Variants in HEXA observed in about 807,000 individuals in gnomAD.
The protein encoded by HEXA is hexosaminidase subunit alpha, also known as beta-hexosaminidase subunit alpha.
HEXA carries 54 observed loss-of-function variants against 73.3 expected under a neutral mutation model. The ratio of observed to expected loss-of-function variants is 0.74; its 90% CI spans 0.59 to 0.92. The LOEUF is 0.92. Among genes scored for constraint, HEXA ranks in the 40% least tolerant of loss-of-function variants. The pLI is 0.00. For missense variants in HEXA, 649 were observed against 653.0 expected (o/e 0.99, Z 0.07); for synonymous variants, 230 against 246.9 (o/e 0.93, Z 0.64).
intron 7 of HEXA, chr15:72,350,215 T>C: frequency 2.4e-6 from 1 of 418,026 alleles, no homozygotes. Context: ...TTGGGCTTCT[T>C]TCTTTCAGAT....
chr15:72,356,550 A>T lies in HEXA; in HGVS notation c.321T>A (p.Leu107=). Residue 107 remains leucine, a synonymous_variant, in exon 2 of 14, where the codon CTT becomes CTA. Coordinates refer to ENST00000268097, the MANE Select transcript of HEXA (RefSeq NM_000520.6). The part of the protein sequence containing the change: ...VSVVTPGCNQ[L]PTLESVENYT... Reference sequence around the variant, plus strand: ...AATTCTCCACTGACTCCAAAGTAGGAAGCTGGTTACATCCAGGTGTGACTA... The same window carrying T: ...AATTCTCCACTGACTCCAAAGTAGGTAGCTGGTTACATCCAGGTGTGACTA... The T allele has an allele frequency of 6.2e-7, 1 of 1,614,130 alleles. No individual in the cohort carries two copies. The highest frequency in any genetic ancestry group is 8.5e-7 in the Non-Finnish European group (1 of 1,179,956).
At chr15:72,363,349 A>C (rs1379247323) in intron 1 of HEXA, among the ~76,000 whole-genome samples, 1 of 152,304 alleles carries the variant, frequency 6.6e-6, no homozygotes, top group African/African-American at 2.4e-5. Context: ...TGGTAGATTT[A>C]ATAGCCACGT....
At chr15:72,374,293 T>C (rs1389235060) in intron 1 of HEXA, among the ~76,000 whole-genome samples, 1 of 152,114 alleles carries the variant, frequency 6.6e-6, no homozygotes, top group African/African-American at 2.4e-5. Context: ...CAATCTTGGG[T>C]AAGGCACTCT....
At chr15:72,363,923 AT>A (rs1410316924) in intron 1 of HEXA, among the ~76,000 whole-genome samples, 2 of 152,230 alleles carry the variant, frequency 1.3e-5, no homozygotes, top group Admixed American at 6.5e-5. Flanking sequence ...CAATTTTCCA[AT>A]TTTTTTGTAA....
chr15:72,369,090 T>C (rs1350808737), intron 1 of HEXA, among the ~76,000 whole-genome samples: 1 of 152,042 alleles, frequency 6.6e-6, no homozygotes, highest in Non-Finnish European at 1.5e-5. Flanking sequence ...GACACAACAA[T>C]AGCATACAGC....
chr15:72,343,239 T>C lies in HEXA; in HGVS notation c.*838A>G, dbSNP rs1294870593. The C allele has an allele frequency of 1.3e-5, 2 of 151,534 alleles. No homozygotes were observed. The allele number at this position is 151,534 out of a possible 1,614,324, so 9.4% of individuals were successfully genotyped here. ...GTCTCAGAAAAAAAAAATATATATA[T>C]ATGAATTAGATGGACATGGTGGCAC... On this transcript the variant is annotated 3_prime_UTR_variant, in exon 14 of 14. Coordinates refer to ENST00000268097, the MANE Select transcript of HEXA (RefSeq NM_000520.6).
At chr15:72,356,809 C>T (rs2088791002) in intron 1 of HEXA, 192 bp from the exon 2 acceptor site, 3 of 783,810 alleles carry the variant, frequency 3.8e-6, no homozygotes, top group East Asian at 2.7e-5. Flanking sequence ...CCCTCTTCTC[C>T]TCAGTAGCTG....
At chr15:72,352,799 G>C (rs775928816) in intron 5 of HEXA, among the ~76,000 whole-genome samples, 1 of 152,160 alleles carries the variant, frequency 6.6e-6, no homozygotes, top group Non-Finnish European at 1.5e-5. Context: ...AGGTAGCTGG[G>C]ATTACAAGCA....
chr15:72,341,197 C>T lies in HEXA; in HGVS notation c.*2880G>A, dbSNP rs1595794114. ...CTACATCCTTTCTTTCACCCTTTCCCAGTATCATTTCAGCTTTCCTCACAG... is the reference window on the plus strand; with the variant it reads ...CTACATCCTTTCTTTCACCCTTTCCTAGTATCATTTCAGCTTTCCTCACAG... On this transcript the variant is annotated 3_prime_UTR_variant, in exon 14 of 14. Coordinates refer to ENST00000268097, the MANE Select transcript of HEXA (RefSeq NM_000520.6). 1.3e-5 allele frequency: 2 copies of T among 152,216 alleles called. No individual in the cohort carries two copies. The highest frequency in any genetic ancestry group is 4.8e-5 in the African/African-American group (2 of 41,520). 9.4% of individuals were successfully genotyped at this position (152,216 alleles called of 1,614,324 possible).
chr15:72,360,795 CCT>C (rs1356421961), intron 1 of HEXA, among the ~76,000 whole-genome samples: 1 of 152,146 alleles, frequency 6.6e-6, no homozygotes, highest in East Asian at 1.9e-4. Context: ...AGTTATTTAC[CCT>C]CTCTAAGCTG....
intron 1 of HEXA, among the ~76,000 whole-genome samples, chr15:72,365,534 T>C (rs2088905481): frequency 6.6e-6 from 1 of 152,214 alleles, no homozygotes; most frequent in Non-Finnish European, 1.5e-5. Flanking sequence ...ACTCTTTTCC[T>C]TTACGGTCTC....
intron 6 of HEXA, 139 bp downstream of exon 6, chr15:72,350,994 G>A (rs2088687444): frequency 1.4e-6 from 1 of 711,550 alleles, no homozygotes; most frequent in Non-Finnish European, 2.6e-6. Flanking sequence ...CAAGTCTCCT[G>A]ACTCCAAATC....
intron 1 of HEXA, 132 bp downstream of exon 1, chr15:72,375,588 G>T: frequency 1.1e-6 from 1 of 930,924 alleles, no homozygotes; most frequent in Non-Finnish European, 1.7e-6. Context: ...AATGCAGCTC[G>T]AGGAGGAAGT....
intron 1 of HEXA, among the ~76,000 whole-genome samples, chr15:72,366,722 G>C (rs2088921781): frequency 6.6e-6 from 1 of 152,002 alleles, no homozygotes; most frequent in African/African-American, 2.4e-5. Flanking sequence ...CCATGTTCTG[G>C]CTTAGCAGTC....
rs778191188 is a variant in HEXA, at chr15:72,349,169, T to G, written c.896A>C (p.Glu299Ala). Reference sequence around the variant, plus strand: ...TTCTAAGAAGAATGTGCTCATGAACTCATAGGTATTATTGAGACTGGGATT... The same window carrying G: ...TTCTAAGAAGAATGTGCTCATGAACGCATAGGTATTATTGAGACTGGGATT... ...PVNPSLNNTY[E>A]FMSTFFLEVS... Residue 299 changes from glutamate (E) to alanine (A), a missense_variant, in exon 8 of 14, where the codon GAG becomes GCG. Transcript: ENST00000268097. The G allele has an allele frequency of 6.8e-6, 11 of 1,613,646 alleles. No individual in the cohort carries two copies. The Admixed American group carries it at 1.7e-4, about 24-fold the overall frequency.
intron 7 of HEXA, among the ~76,000 whole-genome samples, chr15:72,350,014 T>C (rs2088674769): frequency 6.6e-6 from 1 of 152,218 alleles, no homozygotes; most frequent in African/African-American, 2.4e-5. Flanking sequence ...TCCACCCGCC[T>C]TGGCCTCCAA....
chr15:72,356,061 C>T (rs1406442480), intron 2 of HEXA: 1 of 420,898 alleles, frequency 2.4e-6, no homozygotes, highest in Non-Finnish European at 4.7e-6. Context: ...CAGCTACTTC[C>T]TCCAAGAATG....
chr15:72,368,198 A>C (rs2088942663), intron 1 of HEXA, among the ~76,000 whole-genome samples: 1 of 152,230 alleles, frequency 6.6e-6, no homozygotes, highest in Admixed American at 6.5e-5. Context: ...AGTGCTTATG[A>C]GTAACTAGAT....
rs956959732 is a variant in HEXA, at chr15:72,341,296, C to T, written c.*2781G>A. The T allele has an allele frequency of 5.3e-5, 8 of 152,166 alleles. No homozygotes were observed. The highest frequency in any genetic ancestry group is 1.9e-4 in the African/African-American group (8 of 41,412). The allele number at this position is 152,166 out of a possible 1,614,324, so 9.4% of individuals were successfully genotyped here. ...TGTGGTGGCACCTGTGCTCCCACAT[C>T]CTGATATCCTACCCCTACGGCAATC... On this transcript the variant is annotated 3_prime_UTR_variant, in exon 14 of 14. Coordinates refer to ENST00000268097, the MANE Select transcript of HEXA (RefSeq NM_000520.6).
Sources: allele counts gnomAD v4.1 joint callset (sites outside exome capture counted in the v4.1 genomes callset), GRCh38; gene constraint gnomAD v4.1.1; transcripts MANE v1.5; gene names NCBI Gene and HGNC (gene_info 2026-07-23, HGNC 2026-07-21).